The following DMRT1 variants were observed in gnomAD, a reference collection of about 807,000 sequenced individuals.
The protein encoded by DMRT1 is doublesex and mab-3 related transcription factor 1.
A neutral mutation model predicts 32.3 loss-of-function variants in DMRT1; 7 were observed. The ratio of observed to expected loss-of-function variants is 0.22; its 90% CI spans 0.12 to 0.41. The LOEUF is 0.41. DMRT1 is among the 10% of genes least tolerant of loss of function. DMRT1 has a pLI of 1.00. For synonymous variants in DMRT1, 278 were observed against 206.1 expected, an observed-to-expected ratio of 1.35 and a Z score of -2.99; for missense variants, 625 against 500.5, an observed-to-expected ratio of 1.25 and a Z score of -2.37.
chr9:959,204 A>C (rs566603481), intron 4 of DMRT1, among the ~76,000 whole-genome samples: 2 of 152,354 alleles, frequency 1.3e-5, no homozygotes, highest in South Asian at 4.1e-4. Flanking sequence ...TACTGAGATG[A>C]TCACGTATAT....
At chr9:933,110 A>T (rs1818780304) in intron 4 of DMRT1, among the ~76,000 whole-genome samples, 1 of 151,998 alleles carries the variant, frequency 6.6e-6, no homozygotes, top group Non-Finnish European at 1.5e-5. Flanking sequence ...ATGGGGTTTC[A>T]CCATGTTGGC....
chr9:866,856 A>G (rs1478166870), intron 2 of DMRT1, among the ~76,000 whole-genome samples: 1 of 152,172 alleles, frequency 6.6e-6, no homozygotes, highest in Non-Finnish European at 1.5e-5. Context: ...AGATGGAATT[A>G]TGAGTTACAG....
intron 4 of DMRT1, among the ~76,000 whole-genome samples, chr9:943,703 G>T (rs1157487666): frequency 6.6e-6 from 1 of 152,164 alleles, no homozygotes; most frequent in East Asian, 1.9e-4. Context: ...AGGGAGGAGT[G>T]TTGGAAATAA....
In DMRT1 at chr9:863,149, C is replaced by CAAA. The variant is rs55759836; in HGVS notation, c.538+16023_538+16025dup. On this transcript the variant is annotated intron_variant, in intron 2 of 4. Coordinates refer to ENST00000382276, the MANE Select transcript of DMRT1 (RefSeq NM_021951.3). ...GGGCAACAGCGAGATCAGGTCTCTACAAAAAAAAAAAAAAAAAAATTAGCC... is the reference window on the plus strand; with the variant it reads ...GGGCAACAGCGAGATCAGGTCTCTACAAAAAAAAAAAAAAAAAAAAAATTAGCC... Among the ~76,000 whole-genome samples, 217 of 98,266 alleles carry CAAA rather than the reference C, an allele frequency of 2.2e-3. 9 individuals carry two copies. The highest frequency in any genetic ancestry group is 3.1e-3 in the Non-Finnish European group (164 of 53,596). The allele number at this position is 98,266 out of a possible 152,430, so 64.5% of individuals were successfully genotyped here. A position where few individuals can be genotyped will look rare whatever the true frequency, so the allele number is the denominator to read the frequency against.
At chr9:893,565 A>G (rs1817234227) in intron 2 of DMRT1, among the ~76,000 whole-genome samples, 1 of 152,246 alleles carries the variant, frequency 6.6e-6, no homozygotes, top group Non-Finnish European at 1.5e-5. Flanking sequence ...TTGTTTTAAG[A>G]ATGCACAATC....
intron 2 of DMRT1, among the ~76,000 whole-genome samples, chr9:870,779 A>G (rs924536930): frequency 1.6e-5 from 2 of 129,020 alleles, no homozygotes; most frequent in Non-Finnish European, 3.1e-5. Flanking sequence ...TGGTGTGATC[A>G]TGGCTCACTG....
intron 1 of DMRT1, among the ~76,000 whole-genome samples, chr9:843,530 C>G (rs186899316): frequency 6.6e-6 from 1 of 152,132 alleles, no homozygotes; most frequent in Non-Finnish European, 1.5e-5. Flanking sequence ...GAGATTTGGT[C>G]CGTCTGTGGT....
At chr9:857,865 G>C (rs1412645366) in intron 2 of DMRT1, among the ~76,000 whole-genome samples, 1 of 145,756 alleles carries the variant, frequency 6.9e-6, no homozygotes, top group Admixed American at 7.2e-5. Flanking sequence ...CTATGAGTGA[G>C]AACATGTGGT....
At chr9:960,006 A>T (rs1257006954) in intron 4 of DMRT1, among the ~76,000 whole-genome samples, 1 of 152,256 alleles carries the variant, frequency 6.6e-6, no homozygotes, top group Non-Finnish European at 1.5e-5. Context: ...TGGATGGTAG[A>T]CATTCGCAGC....
intron 3 of DMRT1, among the ~76,000 whole-genome samples, chr9:911,487 T>TTTG (rs1817983527): frequency 1.4e-5 from 1 of 71,490 alleles, no homozygotes; most frequent in African/African-American, 8.0e-5. Context: ...TTTTTTTTTT[T>TTTG]TTTTTTTTTT....
intron 4 of DMRT1, among the ~76,000 whole-genome samples, chr9:957,287 C>G (rs1819630930): frequency 6.6e-6 from 1 of 152,320 alleles, no homozygotes; most frequent in Middle Eastern, 3.4e-3. Flanking sequence ...CCATGAATGC[C>G]TTATATTGCC....
chr9:847,635 G>A (rs1170882237), intron 2 of DMRT1, among the ~76,000 whole-genome samples: 1 of 151,004 alleles, frequency 6.6e-6, no homozygotes, highest in Non-Finnish European at 1.5e-5. Flanking sequence ...GGAGGAATGT[G>A]TTCTTTTTTA....
intron 2 of DMRT1, among the ~76,000 whole-genome samples, chr9:850,994 A>G (rs1381382232): frequency 7.1e-6 from 1 of 141,840 alleles, no homozygotes; most frequent in African/African-American, 2.6e-5. Flanking sequence ...GTGCCATTGC[A>G]CTCCGGCCTG....
chr9:950,691 C>G (rs1168732955), intron 4 of DMRT1, among the ~76,000 whole-genome samples: 1 of 152,186 alleles, frequency 6.6e-6, no homozygotes, highest in Non-Finnish European at 1.5e-5. Context: ...CTGCCTTAGG[C>G]TGGTAGATGA....
chr9:865,540 C>G (rs1399089321), intron 2 of DMRT1, among the ~76,000 whole-genome samples: 2 of 151,990 alleles, frequency 1.3e-5, no homozygotes, highest in African/African-American at 4.8e-5. Flanking sequence ...TCATAGAGCT[C>G]ACATTTCAGA....
chr9:862,287 G>C (rs990611089), intron 2 of DMRT1, among the ~76,000 whole-genome samples: 3 of 152,168 alleles, frequency 2.0e-5, no homozygotes, highest in Non-Finnish European at 2.9e-5. Context: ...ACCACTCGCG[G>C]TCAGGAGCTG....
intron 3 of DMRT1, among the ~76,000 whole-genome samples, chr9:899,348 G>C (rs190852543): frequency 3.5e-4 from 54 of 152,236 alleles, no homozygotes; most frequent in African/African-American, 1.2e-3. Context: ...GTACAGTTGA[G>C]ACTTCCTGCA....
intron 4 of DMRT1, among the ~76,000 whole-genome samples, chr9:949,378 C>A (rs60673118): frequency 0.089 from 13,409 of 151,320 alleles, 824 homozygotes; most frequent in East Asian, 0.2. Flanking sequence ...GAAAAAAAAA[C>A]CCCAAAAAAC....
chr9:919,004 A>C (rs1818271450), intron 4 of DMRT1, among the ~76,000 whole-genome samples: 1 of 152,156 alleles, frequency 6.6e-6, no homozygotes, highest in African/African-American at 2.4e-5. Flanking sequence ...CTTTGAGAGC[A>C]TGTTAGCCCT....
Sources: gnomAD v4.1 joint callset for allele counts (sites outside exome capture counted in the v4.1 genomes callset) on GRCh38, gnomAD v4.1.1 for gene constraint, MANE v1.5 for transcripts, NCBI Gene and HGNC (gene_info 2026-07-23, HGNC 2026-07-21) for gene names.